SNRPF: variants seen among roughly 807,000 people sequenced by gnomAD.
SNRPF encodes the protein small nuclear ribonucleoprotein F.
Under a neutral mutation model 13.4 loss-of-function variants are expected in SNRPF, and 1 was observed. The observed-to-expected ratio is 0.07, with a 90% CI of 0.03 to 0.35. SNRPF has a LOEUF of 0.35. Among genes scored for constraint, SNRPF ranks in the 10% least tolerant of loss-of-function variants. SNRPF has a pLI of 0.99. For synonymous variants in SNRPF, 27 were observed against 32.1 expected (o/e 0.84, Z 0.54); for missense variants, 53 against 101.0 (o/e 0.52, Z 2.04).
chr12:95,864,561 C>A (rs10777744), intron 2 of SNRPF, among the ~76,000 whole-genome samples: 113,839 of 152,190 alleles, frequency 0.75, 43,347 homozygotes, highest in African/African-American at 0.82. Flanking sequence ...TAACTATTTA[C>A]CTTTCTCTTA....
In SNRPF at chr12:95,866,091, T is replaced by A; in HGVS notation, c.*20T>A. On this transcript the variant is annotated 3_prime_UTR_variant, in exon 4 of 4. Transcript: ENST00000266735. ...GAATAGCATCTTTTGTGGGGGATTTTTTTTATATATATTTCTAGACAATAA... is the reference window on the plus strand; with the variant it reads ...GAATAGCATCTTTTGTGGGGGATTTATTTTATATATATTTCTAGACAATAA... 8.2e-7 allele frequency: 1 copy of A among 1,224,988 alleles called. No homozygotes were observed. Among genetic ancestry groups the A allele is most frequent in the Non-Finnish European group, 1.2e-6 (1 of 848,554 alleles). The allele number at this position is 1,224,988 out of a possible 1,614,324, so 75.9% of individuals were successfully genotyped here. A position where few individuals can be genotyped will look rare whatever the true frequency, so the allele number is the denominator to read the frequency against.
intron 2 of SNRPF, among the ~76,000 whole-genome samples, chr12:95,864,626 C>T (rs1222344761): frequency 6.6e-6 from 1 of 152,174 alleles, no homozygotes. Flanking sequence ...TATTCAGGCC[C>T]AGATGTGATA....
chr12:95,858,998 T>C lies in SNRPF; in HGVS notation c.-76T>C. The C allele has an allele frequency of 6.3e-7, 1 of 1,595,844 alleles. No homozygotes were observed. On this transcript the variant is annotated 5_prime_UTR_variant, in exon 1 of 4. Coordinates refer to ENST00000266735, the MANE Select transcript of SNRPF (RefSeq NM_003095.5). ...TGAAACTGCGGCTCGGGACCTGCGG[T>C]ACCTGCTGTAGTCACGAGGGACGGG...
rs1365251925 is a variant in SNRPF at position 95,863,716 on chromosome 12, A to AT, written c.130-1606dup. ...AAAGGGGGAAGACAGTATGTGCAATATTATATAGAGTAGCCTCTCTGAGGA... is the reference window on the plus strand; with the variant it reads ...AAAGGGGGAAGACAGTATGTGCAATATTTATATAGAGTAGCCTCTCTGAGGA... On this transcript the variant is annotated intron_variant, in intron 2 of 3. Coordinates refer to ENST00000266735, the MANE Select transcript of SNRPF (RefSeq NM_003095.5). Among the ~76,000 whole-genome samples the AT allele has an allele frequency of 2.0e-5, 3 of 152,342 alleles. No individual in the cohort carries two copies. The East Asian group carries it at 5.8e-4, about 29-fold the overall frequency.
chr12:95,859,611 C>G (rs1166353992), intron 1 of SNRPF, among the ~76,000 whole-genome samples: 1 of 152,182 alleles, frequency 6.6e-6, no homozygotes, highest in East Asian at 1.9e-4. Context: ...GCCTAAGTGT[C>G]ATGAAATACG....
chr12:95,863,904 C>T (rs1010950373), intron 2 of SNRPF, among the ~76,000 whole-genome samples: 3 of 152,026 alleles, frequency 2.0e-5, no homozygotes, highest in South Asian at 2.1e-4. Context: ...AGTTAAGGGA[C>T]GAATGACAGA....
At chr12:95,865,499 A>G in intron 3 of SNRPF, 111 bp downstream of exon 3, 3 of 516,948 alleles carry the variant, frequency 5.8e-6, no homozygotes, top group East Asian at 6.1e-5. Context: ...AAAAATCACT[A>G]TTATAATACT....
At chr12:95,860,850 C>T (rs1044966340) in intron 1 of SNRPF, among the ~76,000 whole-genome samples, 5 of 74,734 alleles carry the variant, frequency 6.7e-5, no homozygotes, top group South Asian at 5.0e-4. Flanking sequence ...CTACCTGGCC[C>T]GCTTTTTTTT....
At position 95,866,136 on chromosome 12, in the gene SNRPF, C is replaced by G; in HGVS notation, c.*65C>G. The G allele has an allele frequency of 2.4e-6, 2 of 823,626 alleles. No homozygotes were observed. The highest frequency in any genetic ancestry group is 3.6e-4 in the Middle Eastern group (1 of 2,758). The allele number at this position is 823,626 out of a possible 1,614,324, so 51.0% of individuals were successfully genotyped here. A position where few individuals can be genotyped will look rare whatever the true frequency, so the allele number is the denominator to read the frequency against. On this transcript the variant is annotated 3_prime_UTR_variant, in exon 4 of 4. Coordinates refer to ENST00000266735, the MANE Select transcript of SNRPF (RefSeq NM_003095.5). ...CAATAAAGATTTGTTTGTTTTTCAA[C>G]TTGACTTGTGAACTATTTGTATTCA...
intron 1 of SNRPF, 21 bp downstream of exon 1, chr12:95,859,097 G>T: frequency 6.3e-7 from 1 of 1,598,406 alleles, no homozygotes; most frequent in Non-Finnish European, 8.6e-7. Flanking sequence ...AGAGAACGGC[G>T]GGAGAAGCGG....
intron 1 of SNRPF, among the ~76,000 whole-genome samples, chr12:95,859,478 C>G (rs1045728440): frequency 6.6e-6 from 1 of 152,154 alleles, no homozygotes; most frequent in African/African-American, 2.4e-5. Context: ...CAAAAAATAA[C>G]AAGTATGTAA....
chr12:95,862,404 G>A (rs2079500254), intron 2 of SNRPF, among the ~76,000 whole-genome samples: 1 of 152,056 alleles, frequency 6.6e-6, no homozygotes, highest in Admixed American at 6.6e-5. Flanking sequence ...CTGGATTACT[G>A]GTAATTCTAT....
chr12:95,865,831 C>G (rs1392488795), intron 3 of SNRPF, among the ~76,000 whole-genome samples, 174 bp from the exon 4 acceptor site: 4 of 151,800 alleles, frequency 2.6e-5, no homozygotes, highest in African/African-American at 9.7e-5. Context: ...GTGCCATGTG[C>G]TTTTCAACAA....
At position 95,859,052 on chromosome 12, in the gene SNRPF, G is replaced by A; in HGVS notation, c.-22G>A. 2 of 1,612,866 alleles carry A rather than the reference G, an allele frequency of 1.2e-6. No homozygotes were observed. Among genetic ancestry groups the A allele is most frequent in the Non-Finnish European group, 1.7e-6 (2 of 1,179,722 alleles). ...CGGCCTGGTCGGCAGAGAGTAGCCT[G>A]CAACATTCGGCCGTGGTTACGATGG... On this transcript the variant is annotated 5_prime_UTR_variant, in exon 1 of 4. Coordinates refer to ENST00000266735, the MANE Select transcript of SNRPF (RefSeq NM_003095.5).
rs2079479539 is a variant in SNRPF, at chr12:95,859,050, C to T, written c.-24C>T. 3.1e-6 allele frequency: 5 copies of T among 1,612,702 alleles called. No homozygotes were observed. The highest frequency in any genetic ancestry group is 3.3e-5 in the Admixed American group (2 of 59,876). Reference sequence around the variant, plus strand: ...GGCGGCCTGGTCGGCAGAGAGTAGCCTGCAACATTCGGCCGTGGTTACGAT... The same window carrying T: ...GGCGGCCTGGTCGGCAGAGAGTAGCTTGCAACATTCGGCCGTGGTTACGAT... On this transcript the variant is annotated 5_prime_UTR_variant, in exon 1 of 4. Coordinates refer to ENST00000266735, the MANE Select transcript of SNRPF (RefSeq NM_003095.5).
chr12:95,861,444 C>T (rs2079496117), intron 2 of SNRPF, 151 bp downstream of exon 2: 1 of 559,476 alleles, frequency 1.8e-6, no homozygotes, highest in South Asian at 1.9e-5. Flanking sequence ...AGGAGGGATA[C>T]TGTGATATAC....
Position 95,859,062 on chromosome 12 carries a change from G to A in SNRPF, c.-12G>A, listed in dbSNP as rs1275365055. 1 of 1,613,232 alleles carries A rather than the reference G, an allele frequency of 6.2e-7. No individual in the cohort carries two copies. Among genetic ancestry groups the A allele is most frequent in the Non-Finnish European group, 8.5e-7 (1 of 1,179,780 alleles). ...GGCAGAGAGTAGCCTGCAACATTCG[G>A]CCGTGGTTACGATGGTAAGGAGAAA... On this transcript the variant is annotated 5_prime_UTR_variant, in exon 1 of 4. Coordinates refer to ENST00000266735, the MANE Select transcript of SNRPF (RefSeq NM_003095.5).
At chr12:95,861,672 A>G in intron 2 of SNRPF, 1 of 182,420 alleles carries the variant, frequency 5.5e-6, no homozygotes, top group Non-Finnish European at 1.1e-5. Context: ...CACAACACCA[A>G]AGCTATTGAG....
At chr12:95,861,403 T>C (rs1011002311) in intron 2 of SNRPF, 110 bp downstream of exon 2, 2 of 1,048,298 alleles carry the variant, frequency 1.9e-6, no homozygotes, top group Non-Finnish European at 2.7e-6. Flanking sequence ...TTGACAAATA[T>C]ACGGCAAAAT....
Sources: allele counts gnomAD v4.1 joint callset (sites outside exome capture counted in the v4.1 genomes callset), GRCh38; gene constraint gnomAD v4.1.1; transcripts MANE v1.5; gene names NCBI Gene and HGNC (gene_info 2026-07-23, HGNC 2026-07-21).